FREM1: variants seen among roughly 807,000 people sequenced by gnomAD.
FREM1 encodes the protein FRAS1 related extracellular matrix 1.
In FREM1, 220 loss-of-function variants were observed where a neutral mutation model predicts 210.1. The observed-to-expected ratio is 1.05, with a 90% CI of 0.94 to 1.17. The LOEUF is 1.17. Ranked by LOEUF, FREM1 falls within the 50% of genes most tolerant of loss-of-function variation. The probability of loss-of-function intolerance (pLI) is 0.00; values close to 1 mark genes in which losing one functional copy is unlikely to be tolerated. For missense variants in FREM1, 3,454 were observed against 2,675.5 expected, an observed-to-expected ratio of 1.29 and a Z score of -6.42; for synonymous variants, 1,189 against 980.2, an observed-to-expected ratio of 1.21 and a Z score of -3.98.
chr9:14,829,714 T>C (rs6474859), intron 10 of FREM1, among the ~76,000 whole-genome samples: 63,901 of 151,998 alleles, frequency 0.42, 13,876 homozygotes, highest in African/African-American at 0.54. Context: ...CTATTGTTTA[T>C]AAATTACCCA....
intron 29 of FREM1, among the ~76,000 whole-genome samples, chr9:14,755,333 T>C (rs912609990): frequency 6.6e-6 from 1 of 152,246 alleles, no homozygotes; most frequent in African/African-American, 2.4e-5. Context: ...TAGGCCATTT[T>C]CTTTTGCCTT....
chr9:14,767,068 G>A (rs149454151), intron 27 of FREM1, among the ~76,000 whole-genome samples: 203 of 152,270 alleles, frequency 1.3e-3, no homozygotes, highest in African/African-American at 4.7e-3. Context: ...TAAACAAATT[G>A]TAGTATCGCT....
At chr9:14,771,507 ACAAAGGACCTCGTTCAGTCTGTACGGAG>A (rs1847570051) in intron 25 of FREM1, among the ~76,000 whole-genome samples, 1 of 152,158 alleles carries the variant, frequency 6.6e-6, no homozygotes, top group Admixed American at 6.5e-5. Context: ...TTCAAACACA[ACAAAGGACCTCGTTCAGTCTGTACGGAG>A]CTCAGTGCAT....
At chr9:14,890,351 A>G (rs1260183578) in intron 1 of FREM1, among the ~76,000 whole-genome samples, 1 of 152,236 alleles carries the variant, frequency 6.6e-6, no homozygotes, top group African/African-American at 2.4e-5. Context: ...GTGAAAATGA[A>G]TATTTTGGAG....
chr9:14,837,239 T>C (rs2642402), intron 10 of FREM1, among the ~76,000 whole-genome samples: 140,052 of 152,152 alleles, frequency 0.92, 65,539 homozygotes, highest in South Asian at 1. Context: ...CAAACCTATT[T>C]CCTGAGCCCT....
chr9:14,825,547 G>GTGTGTGTGTATATATATATATA lies in FREM1; in HGVS notation c.1882-556_1882-555insTATATATATATATACACACACA. On this transcript the variant is annotated intron_variant, in intron 10 of 36. Transcript: ENST00000380880. Reference sequence around the variant, plus strand: ...CATATATATATATATGTGTGTGTGTGTATATATATATATATATATATATAC... The same window carrying GTGTGTGTGTATATATATATATA: ...CATATATATATATATGTGTGTGTGTGTGTGTGTGTATATATATATATATATATATATATATATATATATATAC... Among the ~76,000 whole-genome samples, 346 of 75,772 alleles carry GTGTGTGTGTATATATATATATA rather than the reference G, an allele frequency of 4.6e-3. 3 individuals carry two copies. Among genetic ancestry groups the GTGTGTGTGTATATATATATATA allele is most frequent in the Non-Finnish European group, 6.0e-3 (243 of 40,544 alleles). The allele number at this position is 75,772 out of a possible 152,430, so 49.7% of individuals were successfully genotyped here.
intron 8 of FREM1, among the ~76,000 whole-genome samples, chr9:14,843,531 A>T (rs1826061470): frequency 6.6e-6 from 1 of 152,190 alleles, no homozygotes; most frequent in Non-Finnish European, 1.5e-5. Context: ...AGGCAGATAG[A>T]TACATACATA....
At chr9:14,770,876 T>C (rs1587849694) in intron 25 of FREM1, 70 bp from the exon 26 acceptor site, 1 of 1,106,692 alleles carries the variant, frequency 9.0e-7, no homozygotes, top group African/African-American at 1.5e-5. Context: ...TGGGCTTTAT[T>C]GGTTCAACAA....
chr9:14,851,350 A>T lies in FREM1; in HGVS notation c.1086T>A (p.Asp362Glu). Residue 362 changes from aspartate (D) to glutamate (E), a missense_variant, in exon 6 of 37, where the codon GAT becomes GAA. Asp to Glu is a conservative substitution (Grantham distance 45). Transcript: ENST00000380880. Reference protein sequence around the residue: ...TRPISSFTWKDLSDMQIAYQP... With the variant: ...TRPISSFTWKELSDMQIAYQP... ...GATAGGCGATCTGCATGTCACTGAG[A>T]TCTTTCCAGGTGAATGAGGAGATTG... 6.2e-7 allele frequency: 1 copy of T among 1,612,814 alleles called. No homozygotes were observed. Among genetic ancestry groups the T allele is most frequent in the Non-Finnish European group, 8.5e-7 (1 of 1,179,028 alleles).
Position 14,848,733 on chromosome 9 carries a change from G to A in FREM1, c.1193C>T (p.Ala398Val). The change falls in exon 7 of 37, where the codon GCA becomes GTA. Residue 398 changes from alanine (A) to valine (V), a missense_variant. Coordinates refer to ENST00000380880, the MANE Select transcript of FREM1 (RefSeq NM_001379081.2). Reference sequence around the variant, plus strand: ...GATGGAGATGTGGACTGTCATAGGTGCACTCCTTTCAAAGAAGAAGTCGTA... The same window carrying A: ...GATGGAGATGTGGACTGTCATAGGTACACTCCTTTCAAAGAAGAAGTCGTA... ...EVYDFFFERS[A>V]PMTVHISIRT... The A allele has an allele frequency of 6.2e-7, 1 of 1,612,866 alleles. No individual in the cohort carries two copies. The highest frequency in any genetic ancestry group is 8.5e-7 in the Non-Finnish European group (1 of 1,178,960).
At chr9:14,841,703 C>A in intron 9 of FREM1, 114 bp from the exon 10 acceptor site, 1 of 634,322 alleles carries the variant, frequency 1.6e-6, no homozygotes, top group Non-Finnish European at 2.4e-6. Flanking sequence ...TCTATGTACC[C>A]AAGGAATCTG....
intron 7 of FREM1, among the ~76,000 whole-genome samples, chr9:14,848,379 TA>T (rs1242156567): frequency 2.6e-5 from 4 of 152,238 alleles, no homozygotes; most frequent in African/African-American, 9.6e-5. Flanking sequence ...ATATCACAAA[TA>T]GTCAGTTTTT....
intron 16 of FREM1, among the ~76,000 whole-genome samples, 191 bp downstream of exon 16, chr9:14,812,621 G>A (rs1352077664): frequency 2.0e-5 from 3 of 152,126 alleles, no homozygotes; most frequent in East Asian, 3.9e-4. Flanking sequence ...TTTGAAATTC[G>A]TTATAATAAC....
intron 3 of FREM1, among the ~76,000 whole-genome samples, chr9:14,860,000 T>C (rs1187909447): frequency 6.6e-6 from 1 of 152,164 alleles, no homozygotes; most frequent in African/African-American, 2.4e-5. Flanking sequence ...ATTCCCTCCA[T>C]CCACTTAGCA....
chr9:14,799,200 C>T (rs112522857), intron 20 of FREM1, among the ~76,000 whole-genome samples: 7,146 of 151,530 alleles, frequency 0.047, 274 homozygotes, highest in Middle Eastern at 0.11. Context: ...GTCAGAGGAT[C>T]ACTTGAGCCC....
chr9:14,908,702 T>C (rs1818222255), intron 1 of FREM1, among the ~76,000 whole-genome samples: 2 of 152,336 alleles, frequency 1.3e-5, no homozygotes, highest in South Asian at 4.1e-4. Context: ...ATTAACCAAG[T>C]ACATGACAAG....
intron 8 of FREM1, among the ~76,000 whole-genome samples, chr9:14,844,389 C>T (rs977943140): frequency 1.3e-5 from 2 of 152,102 alleles, no homozygotes; most frequent in Non-Finnish European, 2.9e-5. Context: ...CCATGCCGGG[C>T]TATTTTTATG....
At chr9:14,766,148 T>C (rs4740587) in intron 27 of FREM1, among the ~76,000 whole-genome samples, 22,996 of 152,190 alleles carry the variant, frequency 0.15, 1,927 homozygotes, top group Non-Finnish European at 0.19. Context: ...TTAAAAGCCT[T>C]GAGCTTTATT....
At chr9:14,860,780 T>TACGTATATACACATATATACGTATATAC (rs1829881809) in intron 3 of FREM1, among the ~76,000 whole-genome samples, 1 of 85,784 alleles carries the variant, frequency 1.2e-5, no homozygotes, top group African/African-American at 5.9e-5. Flanking sequence ...TACACATATA[T>TACGTATATACACATATATACGTATATAC]ACATATATAC....
Sources: gnomAD v4.1 joint callset for allele counts (sites outside exome capture counted in the v4.1 genomes callset) on GRCh38, gnomAD v4.1.1 for gene constraint, MANE v1.5 for transcripts, NCBI Gene and HGNC (gene_info 2026-07-23, HGNC 2026-07-21) for gene names.